Variants in CABLES2 observed in about 807,000 individuals in gnomAD.
CABLES2 encodes the protein CDK5 and ABL1 enzyme substrate 2.
Under a neutral mutation model 44.8 loss-of-function variants are expected in CABLES2, and 35 were observed. The ratio of observed to expected loss-of-function variants is 0.78; its 90% CI spans 0.60 to 1.04. The LOEUF is 1.04. Among genes scored for constraint, CABLES2 ranks in the 50% least tolerant of loss-of-function variants. CABLES2 has a pLI of 0.00. For missense variants in CABLES2, 566 were observed against 615.7 expected (o/e 0.92, Z 0.85); for synonymous variants, 282 against 281.1 (o/e 1.00, Z -0.03).
chr20:62,392,800 G>A lies in CABLES2; in HGVS notation c.984+120C>T. The A allele has an allele frequency of 1.0e-5, 9 of 875,624 alleles. 1 individual carries two copies. Among genetic ancestry groups the A allele is most frequent in the South Asian group, 1.5e-5 (1 of 66,850 alleles). 54.2% of individuals were successfully genotyped at this position (875,624 alleles called of 1,614,324 possible). A position where few individuals can be genotyped will look rare whatever the true frequency, so the allele number is the denominator to read the frequency against. Reference sequence around the variant, plus strand: ...ACACCGCCACTGTCTGTGCTGCTGCGATCCGGGATGGGGGCACGTCACGCC... The same window carrying A: ...ACACCGCCACTGTCTGTGCTGCTGCAATCCGGGATGGGGGCACGTCACGCC... On this transcript the variant is annotated intron_variant, in intron 7 of 9. Transcript: ENST00000279101.
chr20:62,391,889 C>T lies in CABLES2; in HGVS notation c.1092-436G>A, dbSNP rs1422746975. The stretch of plus-strand genomic sequence containing the variant: ...CCCAGTACAGGGCCGTGGCCAGGAG[C>T]CCGACGTGAGCCCAGCAGTTCCGCC... On this transcript the variant is annotated intron_variant, in intron 8 of 9. Transcript: ENST00000279101. This position sits in a 1 kb window ranked among gnomAD's most constrained non-coding sequence, Gnocchi z 5.7. Among the ~76,000 whole-genome samples the T allele has an allele frequency of 6.6e-6, 1 of 152,036 alleles. No individual in the cohort carries two copies. The highest frequency in any genetic ancestry group is 2.4e-5 in the African/African-American group (1 of 41,406).
In CABLES2 at chr20:62,389,272, T is replaced by C. The variant is rs185975712; in HGVS notation, c.*1699A>G. ...GAGTCCCCTCTGGGTGCATACTGGG[T>C]TCCAGGGGATGATCCTTGGCTTGAG... On this transcript the variant is annotated 3_prime_UTR_variant, in exon 10 of 10. Transcript: ENST00000279101. 2 of 152,368 alleles carry C rather than the reference T, an allele frequency of 1.3e-5. No individual in the cohort carries two copies. Among genetic ancestry groups the C allele is most frequent in the Middle Eastern group, 3.4e-3 (1 of 294 alleles). The allele number at this position is 152,368 out of a possible 1,614,324, so 9.4% of individuals were successfully genotyped here. A position where few individuals can be genotyped will look rare whatever the true frequency, so the allele number is the denominator to read the frequency against.
intron 1 of CABLES2, among the ~76,000 whole-genome samples, chr20:62,398,775 T>C (rs1042063547): frequency 6.6e-6 from 1 of 152,220 alleles, no homozygotes; most frequent in African/African-American, 2.4e-5. Context: ...GGGTGCCACC[T>C]GTGCCAGCGA....
intron 1 of CABLES2, among the ~76,000 whole-genome samples, chr20:62,397,989 G>GTGATGGTGA: frequency 1.7e-5 from 1 of 58,214 alleles, no homozygotes; most frequent in Middle Eastern, 0.012. Flanking sequence ...GATGGCGGTG[G>GTGATGGTGA]TGGTGATGAT....
chr20:62,398,015 G>A (rs1222717918), intron 1 of CABLES2, among the ~76,000 whole-genome samples: 3 of 112,628 alleles, frequency 2.7e-5, no homozygotes, highest in Non-Finnish European at 5.2e-5. Context: ...TGGTTATGGC[G>A]GTGGTGGTGG....
intron 1 of CABLES2, among the ~76,000 whole-genome samples, chr20:62,401,769 G>T (rs1006166479): frequency 6.6e-6 from 1 of 152,220 alleles, no homozygotes; most frequent in African/African-American, 2.4e-5. Context: ...GCACCAGGGA[G>T]CTGGGGGATT....
At chr20:62,394,819 CG>C in intron 4 of CABLES2, 117 bp downstream of exon 4, 4 of 872,566 alleles carry the variant, frequency 4.6e-6, no homozygotes, top group Non-Finnish European at 7.0e-6. Context: ...CGCATGAGCC[CG>C]GGGGCAGCCG....
In CABLES2 at chr20:62,388,719, T is replaced by A. The variant is rs709206; in HGVS notation, c.*2252A>T. 318,873 of 562,700 alleles carry A rather than the reference T, an allele frequency of 0.57. 97,485 individuals carry two copies. The highest frequency in any genetic ancestry group is 0.9 in the African/African-American group (48,266 of 53,336). 34.9% of individuals were successfully genotyped at this position (562,700 alleles called of 1,614,324 possible). On this transcript the variant is annotated 3_prime_UTR_variant, in exon 10 of 10. Transcript: ENST00000279101. ...AAAATAACTCAAACATTCTGAGGTC[T>A]GATACTTGCTTATGCACACTGACAT...
At chr20:62,393,733 G>A in intron 5 of CABLES2, 128 bp from the exon 6 acceptor site, 1 of 1,015,312 alleles carries the variant, frequency 9.8e-7, no homozygotes, top group Non-Finnish European at 1.4e-6. Flanking sequence ...GAACAACTCA[G>A]ATCAAGCCGT....
In CABLES2 at chr20:62,406,857, C is replaced by T. The variant is rs1302044163; in HGVS notation, c.362+58G>A. The T allele has an allele frequency of 8.0e-6, 8 of 1,000,672 alleles. No individual in the cohort carries two copies. In the African/African-American group the frequency reaches 1.4e-4, roughly 18 times the overall value. The allele number at this position is 1,000,672 out of a possible 1,614,324, so 62.0% of individuals were successfully genotyped here. ...ACCCCTAGTCCTGGGCTGATCCGGC[C>T]CCCGTCCCCGTCCCTGTACCCCGCG... On this transcript the variant is annotated intron_variant, in intron 1 of 9. Coordinates refer to ENST00000279101, the MANE Select transcript of CABLES2 (RefSeq NM_031215.3).
Position 62,406,647 on chromosome 20 carries a change from G to C in CABLES2, c.362+268C>G, listed in dbSNP as rs73143468. On this transcript the variant is annotated intron_variant, in intron 1 of 9. Transcript: ENST00000279101. ...ACCCCTGTGTCCTGGGCTGATGAGG[G>C]CCCAGACTGACCCTGACCCCTGTGT... 2.2e-3 allele frequency among the ~76,000 whole-genome samples: 327 copies of C among 148,798 alleles called. 3 individuals carry two copies. The highest frequency in any genetic ancestry group is 7.3e-3 in the African/African-American group (293 of 40,094).
chr20:62,397,096 TCC>T (rs1253697849), intron 1 of CABLES2, among the ~76,000 whole-genome samples: 1 of 152,094 alleles, frequency 6.6e-6, no homozygotes, highest in Admixed American at 6.5e-5. Context: ...GGCTTGCAGC[TCC>T]CTGCACCAGC....
Position 62,396,294 on chromosome 20 carries a change from G to A in CABLES2, c.527+21C>T. 1 of 1,608,486 alleles carries A rather than the reference G, an allele frequency of 6.2e-7. No homozygotes were observed. Among genetic ancestry groups the A allele is most frequent in the South Asian group, 1.1e-5 (1 of 90,978 alleles). ...TTATGGAGACCACAGCCCTGGCCCG[G>A]TTCCCGGCTCCGCTTCATACCTGCT... On this transcript the variant is annotated intron_variant, in intron 3 of 9. Coordinates refer to ENST00000279101, the MANE Select transcript of CABLES2 (RefSeq NM_031215.3). This position sits in a 1 kb window ranked among gnomAD's most constrained non-coding sequence, Gnocchi z 5.7.
In CABLES2 at chr20:62,407,224, C is replaced by T. The variant is rs1337626794; in HGVS notation, c.53G>A (p.Gly18Glu). ...GGTCGGCGCGGCGGGTGGCGGGGGC[C>T]CGGCGGGGCCGGGGGCCGGGCCCGG... ...GAPGPAPGPA[G>E]PPPPAAPTSA... is the part of the protein sequence containing the mutation. The change falls in exon 1 of 10, where the codon GGG (glycine) becomes GAG (glutamate). Residue 18 changes from glycine (G) to glutamate (E), a missense_variant. Coordinates refer to ENST00000279101, the MANE Select transcript of CABLES2 (RefSeq NM_031215.3). 13 of 918,584 alleles carry T rather than the reference C, an allele frequency of 1.4e-5. No individual in the cohort carries two copies. The highest frequency in any genetic ancestry group is 6.4e-5 in the Admixed American group (1 of 15,596). The allele number at this position is 918,584 out of a possible 1,614,324, so 56.9% of individuals were successfully genotyped here. A position where few individuals can be genotyped will look rare whatever the true frequency, so the allele number is the denominator to read the frequency against.
rs1425911189 is a variant in CABLES2, at chr20:62,391,014, T to C, written c.1394A>G (p.Asn465Ser). ...GCGCCTGTAATGAGGTAACACTTGG[T>C]TCTCGGGAAGATACAGGGCCAGCTC... Reference protein sequence around the residue: ...ALELALYLPENQVLPHYRRLT... With the variant: ...ALELALYLPESQVLPHYRRLT... The change falls in exon 10 of 10, where the codon AAC (asparagine) becomes AGC (serine). Residue 465 changes from asparagine to serine, a missense_variant. Around this residue, in one of 2 missense-constraint regions of CABLES2, gnomAD observed 436 missense variants for 536.3 expected, o/e 0.81. Coordinates refer to ENST00000279101, the MANE Select transcript of CABLES2 (RefSeq NM_031215.3). This position sits in a 1 kb window ranked among gnomAD's most constrained non-coding sequence, Gnocchi z 5.7. 1 of 1,614,096 alleles carries C rather than the reference T, an allele frequency of 6.2e-7. No individual in the cohort carries two copies. Among genetic ancestry groups the C allele is most frequent in the Non-Finnish European group, 8.5e-7 (1 of 1,180,012 alleles).
chr20:62,405,940 G>A (rs1988274555), intron 1 of CABLES2: 1 of 152,882 alleles, frequency 6.5e-6, no homozygotes, highest in African/African-American at 2.4e-5. Context: ...TGGTCTCTGG[G>A]AGAAGGACAC....
In CABLES2 at chr20:62,390,915, C is replaced by T; in HGVS notation, c.*56G>A. ...GAGGAGGCGCGGGGCTTCAGTGGGACACCTCCCAGGCCGGCAAGTGCACCT... is the reference window on the plus strand; with the variant it reads ...GAGGAGGCGCGGGGCTTCAGTGGGATACCTCCCAGGCCGGCAAGTGCACCT... On this transcript the variant is annotated 3_prime_UTR_variant, in exon 10 of 10. Coordinates refer to ENST00000279101, the MANE Select transcript of CABLES2 (RefSeq NM_031215.3). The T allele has an allele frequency of 1.3e-6, 2 of 1,598,016 alleles. No homozygotes were observed. The highest frequency in any genetic ancestry group is 1.7e-6 in the Non-Finnish European group (2 of 1,167,650).
chr20:62,407,222 G>A lies in CABLES2; in HGVS notation c.55C>T (p.Pro19Ser). 3.2e-6 allele frequency: 3 copies of A among 925,348 alleles called. No homozygotes were observed. Among genetic ancestry groups the A allele is most frequent in the Non-Finnish European group, 3.9e-6 (3 of 778,498 alleles). 57.3% of individuals were successfully genotyped at this position (925,348 alleles called of 1,614,324 possible). ...APGPAPGPAG[P>S]PPPAAPTSAA... ...GAGGTCGGCGCGGCGGGTGGCGGGG[G>A]CCCGGCGGGGCCGGGGGCCGGGCCC... The change falls in exon 1 of 10, where the codon CCC (proline) becomes TCC (serine). Residue 19 changes from proline (P) to serine (S), a missense_variant. Physicochemically the swap from Pro to Ser is moderately conservative, Grantham distance 74. Coordinates refer to ENST00000279101, the MANE Select transcript of CABLES2 (RefSeq NM_031215.3).
intron 4 of CABLES2, among the ~76,000 whole-genome samples, chr20:62,394,615 T>G (rs560000954): frequency 1.5e-3 from 233 of 152,274 alleles, no homozygotes; most frequent in African/African-American, 5.3e-3. Context: ...AGCTGTTTCC[T>G]CCTTCCCTGA....
Sources: allele counts gnomAD v4.1 joint callset (sites outside exome capture counted in the v4.1 genomes callset), GRCh38; gene constraint gnomAD v4.1.1; regional missense constraint gnomAD v4.1.1; non-coding constraint Gnocchi (gnomAD v3.1); transcripts MANE v1.5; gene names NCBI Gene and HGNC (gene_info 2026-07-23, HGNC 2026-07-21).